Variants in IQSEC1 observed in about 807,000 individuals in gnomAD.
IQSEC1 encodes the protein IQ motif and SEC7 domain-containing protein 1.
IQSEC1 carries 31 observed loss-of-function variants against 91.0 expected under a neutral mutation model. The ratio of observed to expected loss-of-function variants is 0.34; its 90% CI spans 0.26 to 0.46. The LOEUF (loss-of-function observed/expected upper bound fraction) is 0.46, where lower values mean the gene tolerates loss of function less well. Ranked by LOEUF, IQSEC1 falls within the 20% of genes least tolerant of loss-of-function variation. IQSEC1 has a pLI of 1.00. For missense variants in IQSEC1, 1,388 were observed against 1,575.6 expected, an observed-to-expected ratio of 0.88 and a Z score of 2.02; for synonymous variants, 699 against 662.6, an observed-to-expected ratio of 1.05 and a Z score of -0.84.
At chr3:13,123,935 T>C (rs1328274957) in intron 2 of IQSEC1, among the ~76,000 whole-genome samples, 1 of 152,264 alleles carries the variant, frequency 6.6e-6, no homozygotes, top group South Asian at 2.1e-4. Context: ...GGCTTGCTTT[T>C]GTAAATAAAG....
intron 2 of IQSEC1, among the ~76,000 whole-genome samples, chr3:13,153,787 G>A (rs1368093134): frequency 6.6e-6 from 1 of 152,196 alleles, no homozygotes; most frequent in Non-Finnish European, 1.5e-5. Context: ...TCCCAGCTGG[G>A]CAGTGAGGTC....
rs547801789 is a variant in IQSEC1 at position 13,022,023 on chromosome 3, G to A, written c.23+50969C>T. On this transcript the variant is annotated intron_variant, in intron 1 of 13. Transcript: ENST00000613206. ...AGCCAGGCAGAGCAGCCATGCACGC[G>A]TCCCGGTACCTGAGTGTCCTCACAG... 3,142 of 1,230,896 alleles carry A rather than the reference G, an allele frequency of 2.6e-3. 5 individuals are homozygous for A. Among genetic ancestry groups the A allele is most frequent in the Non-Finnish European group, 3.0e-3 (2,951 of 987,198 alleles). 76.2% of individuals were successfully genotyped at this position (1,230,896 alleles called of 1,614,324 possible).
intron 1 of IQSEC1, among the ~76,000 whole-genome samples, chr3:12,982,033 C>G (rs1176493840): frequency 6.6e-6 from 1 of 152,216 alleles, no homozygotes; most frequent in Admixed American, 6.5e-5. Flanking sequence ...TTGGGGCTTC[C>G]TGTGAAAGCT....
chr3:13,179,484 C>G (rs534525163), intron 1 of IQSEC1, among the ~76,000 whole-genome samples: 85 of 152,378 alleles, frequency 5.6e-4, no homozygotes, highest in African/African-American at 2.0e-3. Flanking sequence ...AATATCATCA[C>G]CCATAGACAT....
At chr3:12,912,194 G>A (rs1695623904) in intron 9 of IQSEC1, among the ~76,000 whole-genome samples, 1 of 152,236 alleles carries the variant, frequency 6.6e-6, no homozygotes, top group African/African-American at 2.4e-5. Context: ...CTGAATCCCA[G>A]CTGGCCCGCC....
At chr3:13,172,243 T>C (rs1289220934) in intron 1 of IQSEC1, among the ~76,000 whole-genome samples, 1 of 152,044 alleles carries the variant, frequency 6.6e-6, no homozygotes, top group South Asian at 2.1e-4. Flanking sequence ...CCTGCCATGG[T>C]TGGGGGAGGT....
At chr3:13,117,971 C>T (rs112054713) in intron 2 of IQSEC1, among the ~76,000 whole-genome samples, 28 of 152,162 alleles carry the variant, frequency 1.8e-4, no homozygotes, top group African/African-American at 5.8e-4. Context: ...TCAGAGAAAC[C>T]GGGCCCCCTG....
Position 12,998,999 on chromosome 3 carries a change from C to T in IQSEC1, c.24-57134G>A, listed in dbSNP as rs1182287200. ...GAGTGGAAAGGAGACTGGCTTTTCA[C>T]TGAAATGTTTCATTTAAGTATTTTT... On this transcript the variant is annotated intron_variant, in intron 1 of 13. Coordinates refer to ENST00000613206, the MANE Select transcript of IQSEC1 (RefSeq NM_001134382.3). Among the ~76,000 whole-genome samples, 3 of 152,178 alleles carry T rather than the reference C, an allele frequency of 2.0e-5. No individual in the cohort carries two copies. The East Asian group carries it at 5.8e-4, about 29-fold the overall frequency.
rs1243637278 is a variant in IQSEC1, at chr3:12,970,516, C to T, written c.24-28651G>A. On this transcript the variant is annotated intron_variant, in intron 1 of 13. Transcript: ENST00000613206. This position sits in a 1 kb window ranked among gnomAD's most constrained non-coding sequence, Gnocchi z 4.4. ...TGCTTTCCTCCAGCCAGATGTGTGG[C>T]ACTCTCCCAAAGCCCAGCCTTTGCA... 6.6e-6 allele frequency among the ~76,000 whole-genome samples: 1 copy of T among 152,134 alleles called. No individual in the cohort carries two copies.
chr3:13,206,319 T>C (rs1349789995), intron 1 of IQSEC1, among the ~76,000 whole-genome samples: 1 of 151,760 alleles, frequency 6.6e-6, no homozygotes, highest in Non-Finnish European at 1.5e-5. Context: ...TAAGGTGGGG[T>C]GGGGGGCGCT....
chr3:13,219,792 TG>T (rs1426743964), intron 1 of IQSEC1, among the ~76,000 whole-genome samples: 2 of 152,172 alleles, frequency 1.3e-5, no homozygotes, highest in Non-Finnish European at 2.9e-5. Flanking sequence ...TCTAACCAGC[TG>T]GGGGGTGGCA....
chr3:13,191,461 T>G (rs991273268), intron 1 of IQSEC1, among the ~76,000 whole-genome samples: 1 of 144,648 alleles, frequency 6.9e-6, no homozygotes, highest in African/African-American at 2.5e-5. Flanking sequence ...CAGCTCCCAG[T>G]CCCCACACCC....
intron 1 of IQSEC1, among the ~76,000 whole-genome samples, chr3:13,028,685 C>T (rs1424742440): frequency 3.3e-5 from 5 of 152,336 alleles, no homozygotes; most frequent in South Asian, 2.1e-4. Flanking sequence ...GGTTCTGACA[C>T]GTTTCCTTTC....
At chr3:13,039,824 T>A (rs555351957) in intron 1 of IQSEC1, among the ~76,000 whole-genome samples, 99 of 152,352 alleles carry the variant, frequency 6.5e-4, no homozygotes, top group Non-Finnish European at 1.0e-3. Context: ...CCTCAGCATG[T>A]CATTTGCCAG....
At chr3:13,080,246 G>A (rs1705627530) in intron 2 of IQSEC1, among the ~76,000 whole-genome samples, 1 of 152,192 alleles carries the variant, frequency 6.6e-6, no homozygotes, top group African/African-American at 2.4e-5. Flanking sequence ...CAGAGGAGAG[G>A]TTGGGATGGT....
intron 2 of IQSEC1, among the ~76,000 whole-genome samples, chr3:13,131,198 AC>A (rs1452223238): frequency 1.3e-5 from 2 of 151,878 alleles, no homozygotes; most frequent in African/African-American, 4.8e-5. Context: ...TTATAAATTG[AC>A]CCCTTGATTA....
chr3:13,075,992 G>T (rs116496897), upstream of IQSEC1, among the ~76,000 whole-genome samples: 12,416 of 152,212 alleles, frequency 0.082, 559 homozygotes, highest in Middle Eastern at 0.22. Flanking sequence ...GGGCAGATTT[G>T]TCAGCCACAC....
rs543915237 is a variant in IQSEC1 at position 13,215,912 on chromosome 3, C to T, written c.273-51779G>A. 5.3e-5 allele frequency among the ~76,000 whole-genome samples: 8 copies of T among 152,340 alleles called. No individual in the cohort carries two copies. The East Asian group carries it at 1.4e-3, about 26-fold the overall frequency. ...TCACAGAACAAGTATCCTCCGAGCC[C>T]CAGAGCAGACCAGGCCCGGGGCTTC... On this transcript the variant is annotated intron_variant, in intron 1 of 15. Coordinates refer to the IQSEC1 transcript ENST00000648114.
chr3:12,901,400 C>A lies in IQSEC1; in HGVS notation c.2928G>T (p.Lys976Asn), dbSNP rs1002911492. 1 of 1,544,608 alleles carries A rather than the reference C, an allele frequency of 6.5e-7. No homozygotes were observed. Among genetic ancestry groups the A allele is most frequent in the Non-Finnish European group, 8.7e-7 (1 of 1,145,744 alleles). ...GGGCCTGGGGAGGGGGCTTCCCTCT[C>A]TTGCTCCCGAATAAGGAGCCCAGGA... ...SSLLGSLFGS[K>N]RGKPPPQAHL... is the part of the protein sequence containing the mutation. The change falls in exon 14 of 14, where the codon AAG (lysine) becomes AAT (asparagine). Residue 976 changes from lysine (K) to asparagine (N), a missense_variant. This residue lies in a region of IQSEC1 where 329 missense variants were observed against 257.8 expected (regional missense o/e 1.28). Coordinates refer to ENST00000613206, the MANE Select transcript of IQSEC1 (RefSeq NM_001134382.3).
Sources: gnomAD v4.1 joint callset for allele counts (sites outside exome capture counted in the v4.1 genomes callset) on GRCh38, gnomAD v4.1.1 for gene constraint, gnomAD v4.1.1 regional missense constraint, Gnocchi (gnomAD v3.1) non-coding constraint, MANE v1.5 for transcripts, NCBI Gene and HGNC (gene_info 2026-07-23, HGNC 2026-07-21) for gene names.